The following PITPNM3 variants were observed in gnomAD, a reference collection of about 807,000 sequenced individuals.
PITPNM3 encodes membrane-associated phosphatidylinositol transfer protein 3.
Under a neutral mutation model 102.0 loss-of-function variants are expected in PITPNM3, and 26 were observed. The ratio of observed to expected loss-of-function variants is 0.25; its 90% CI spans 0.19 to 0.35. PITPNM3 has a LOEUF of 0.35. PITPNM3 is among the 10% of genes least tolerant of loss of function. PITPNM3 has a pLI of 1.00. For missense variants in PITPNM3, 1,083 were observed against 1,346.1 expected, an observed-to-expected ratio of 0.80 and a Z score of 3.06; for synonymous variants, 578 against 558.6, an observed-to-expected ratio of 1.03 and a Z score of -0.49.
intron 9 of PITPNM3, among the ~76,000 whole-genome samples, chr17:6,476,015 A>AT (rs2150729925): frequency 6.6e-6 from 1 of 152,370 alleles, no homozygotes; most frequent in African/African-American, 2.4e-5. Flanking sequence ...AGGGCTATTT[A>AT]TACTGCTAAG....
In PITPNM3 at chr17:6,470,174, G is replaced by A; in HGVS notation, c.1773+86C>T. ...CAAGGCCAAAAGCTGAACAGTGTCT[G>A]CAAGAATAGCCTCCTCTCCAGCTGG... On this transcript the variant is annotated intron_variant, in intron 13 of 19. Transcript: ENST00000262483. The surrounding 1 kb of genome is among the most constrained non-coding windows in gnomAD (Gnocchi z 4.8). The A allele has an allele frequency of 2.1e-6, 3 of 1,435,560 alleles. No homozygotes were observed. Among genetic ancestry groups the A allele is most frequent in the Non-Finnish European group, 2.9e-6 (3 of 1,051,800 alleles). The allele number at this position is 1,435,560 out of a possible 1,614,324, so 88.9% of individuals were successfully genotyped here. A position where few individuals can be genotyped will look rare whatever the true frequency, so the allele number is the denominator to read the frequency against.
At chr17:6,495,894 C>A (rs1205982558) in intron 4 of PITPNM3, among the ~76,000 whole-genome samples, 1 of 152,210 alleles carries the variant, frequency 6.6e-6, no homozygotes, top group Non-Finnish European at 1.5e-5. Context: ...TGAGGTCTCT[C>A]TTTGCCCCTC....
rs386363 is a variant in PITPNM3 at position 6,537,335 on chromosome 17, C to T, written c.118+652G>A. Among the ~76,000 whole-genome samples the T allele has an allele frequency of 0.53, 79,706 of 149,780 alleles. 21,614 individuals carry two copies. The highest frequency in any genetic ancestry group is 0.72 in the South Asian group (3,415 of 4,720). The stretch of plus-strand genomic sequence containing the variant: ...TCGGCTCACTGCAACCTCTGCCTCC[C>T]GGGTCCAAGCGATTCTCCCGCCTCA... On this transcript the variant is annotated intron_variant, in intron 2 of 19. Coordinates refer to ENST00000262483, the MANE Select transcript of PITPNM3 (RefSeq NM_031220.4). This position sits in a 1 kb window ranked among gnomAD's most constrained non-coding sequence, Gnocchi z 4.4.
chr17:6,543,868 G>T (rs991609415), intron 1 of PITPNM3, among the ~76,000 whole-genome samples: 5 of 152,242 alleles, frequency 3.3e-5, no homozygotes, highest in African/African-American at 1.2e-4. Context: ...GGTGGGCAGG[G>T]TTGGCCAGGC....
At chr17:6,546,274 C>G (rs1467069535) in intron 1 of PITPNM3, among the ~76,000 whole-genome samples, 1 of 152,228 alleles carries the variant, frequency 6.6e-6, no homozygotes, top group East Asian at 1.9e-4. Context: ...ACGCCAGGAG[C>G]CCTGGAAGGG....
At position 6,457,126 on chromosome 17, in the gene PITPNM3, T is replaced by A. The variant is rs1914151604; in HGVS notation, c.2619+468A>T. Among the ~76,000 whole-genome samples the A allele has an allele frequency of 6.6e-6, 1 of 152,062 alleles. No homozygotes were observed. The highest frequency in any genetic ancestry group is 2.4e-5 in the African/African-American group (1 of 41,404). On this transcript the variant is annotated intron_variant, in intron 19 of 19. Transcript: ENST00000262483. This position sits in a 1 kb window ranked among gnomAD's most constrained non-coding sequence, Gnocchi z 4.7. ...GCAGCCAAGCTGAGTCACTGGCAGT[T>A]CCCAGAATATACATGTTCTGTGTCA...
In PITPNM3 at chr17:6,537,223, C is replaced by T. The variant is rs1302732328; in HGVS notation, c.118+764G>A. Among the ~76,000 whole-genome samples, 1 of 151,880 alleles carries T rather than the reference C, an allele frequency of 6.6e-6. No individual in the cohort carries two copies. Among genetic ancestry groups the T allele is most frequent in the Admixed American group, 6.6e-5 (1 of 15,248 alleles). On this transcript the variant is annotated intron_variant, in intron 2 of 19. Coordinates refer to ENST00000262483, the MANE Select transcript of PITPNM3 (RefSeq NM_031220.4). The surrounding 1 kb of genome is among the most constrained non-coding windows in gnomAD (Gnocchi z 4.4). ...CAGTCTTTCTAACACTCTGGCACTC[C>T]CTGCATCTATGAGGCTCATTTATTT...
At chr17:6,499,590 CAA>C (rs1907046488) in intron 4 of PITPNM3, among the ~76,000 whole-genome samples, 1 of 152,256 alleles carries the variant, frequency 6.6e-6, no homozygotes, top group Non-Finnish European at 1.5e-5. Context: ...CGTCCAGTAA[CAA>C]GTGACAACCA....
At chr17:6,491,934 TATA>T (rs1906517023) in intron 4 of PITPNM3, among the ~76,000 whole-genome samples, 4 of 150,726 alleles carry the variant, frequency 2.7e-5, no homozygotes, top group East Asian at 1.9e-4. Flanking sequence ...TATATATATA[TATA>T]TTTTACTTTC....
At position 6,549,545 on chromosome 17, in the gene PITPNM3, G is replaced by A. The variant is rs1362000578; in HGVS notation, c.22+6840C>T. 3.9e-5 allele frequency among the ~76,000 whole-genome samples: 6 copies of A among 152,312 alleles called. No individual in the cohort carries two copies. In the East Asian group the frequency reaches 9.7e-4, roughly 25 times the overall value. ...ACCCTTGCCACACACGCACCCTGTG[G>A]GGGCTGGTGGCCACACAGCTGTGCA... is the stretch of plus-strand genomic sequence containing the variant. On this transcript the variant is annotated intron_variant, in intron 1 of 19. Transcript: ENST00000262483.
chr17:6,496,330 C>T (rs1033788648), intron 4 of PITPNM3, among the ~76,000 whole-genome samples: 42 of 152,158 alleles, frequency 2.8e-4, no homozygotes, highest in African/African-American at 9.9e-4. Context: ...ACCAAGCCCC[C>T]GCCTTCTGCT....
At position 6,483,671 on chromosome 17, in the gene PITPNM3, C is replaced by T. The variant is rs144931278; in HGVS notation, c.433G>A (p.Gly145Arg). 77 of 1,612,902 alleles carry T rather than the reference C, an allele frequency of 4.8e-5. No homozygotes were observed. Among genetic ancestry groups the T allele is most frequent in the Middle Eastern group, 1.6e-4 (1 of 6,082 alleles). Residue 145 changes from glycine (G) to arginine (R), a missense_variant, in exon 6 of 20, where the codon GGG (glycine) becomes AGG (arginine). Gly to Arg is a moderately radical substitution (Grantham distance 125). Transcript: ENST00000262483. ...TCGGCTGCCTTGCAGGACGGGTCCC[C>T]GGCACCCGTGTCCAGGATGTTTCCC... ...HGGNILDTGA[G>R]DPSCKAADIH...
chr17:6,508,062 G>A (rs145561909), intron 3 of PITPNM3, among the ~76,000 whole-genome samples: 6 of 152,106 alleles, frequency 3.9e-5, no homozygotes, highest in African/African-American at 9.6e-5. Context: ...GGGGTTGCTG[G>A]GGATGCAGCT....
chr17:6,513,065 G>T (rs946699161), intron 3 of PITPNM3, among the ~76,000 whole-genome samples: 9 of 144,156 alleles, frequency 6.2e-5, no homozygotes, highest in Non-Finnish European at 1.3e-4. Context: ...CTCAATACAT[G>T]TCTGCAAAAA....
rs1910622082 is a variant in PITPNM3, at chr17:6,556,482, C to T, written c.-76G>A. 9.8e-7 allele frequency: 1 copy of T among 1,015,896 alleles called. No individual in the cohort carries two copies. The highest frequency in any genetic ancestry group is 5.6e-5 in the Admixed American group (1 of 17,906). The allele number at this position is 1,015,896 out of a possible 1,614,324, so 62.9% of individuals were successfully genotyped here. On this transcript the variant is annotated 5_prime_UTR_variant, in exon 1 of 20. Coordinates refer to ENST00000262483, the MANE Select transcript of PITPNM3 (RefSeq NM_031220.4). This position sits in a 1 kb window ranked among gnomAD's most constrained non-coding sequence, Gnocchi z 5.2. ...GGGCCCGGCCCCGACCGCCTCCGGC[C>T]CCGAACGGACTCCGAGCGCCGCGCC...
rs559783367 is a variant in PITPNM3 at position 6,486,012 on chromosome 17, C to A, written c.275-1720G>T. On this transcript the variant is annotated intron_variant, in intron 4 of 19. Coordinates refer to ENST00000262483, the MANE Select transcript of PITPNM3 (RefSeq NM_031220.4). ...TCTGGCCCTTTCCAGAAATGTCTGT[C>A]AACCCCTGATCTAACACCTACACTC... is the stretch of plus-strand genomic sequence containing the variant. Among the ~76,000 whole-genome samples, 3 of 152,294 alleles carry A rather than the reference C, an allele frequency of 2.0e-5. No individual in the cohort carries two copies. The South Asian group carries it at 6.2e-4, about 32-fold the overall frequency.
rs975537539 is a variant in PITPNM3, at chr17:6,458,842, G to A, written c.2491-1120C>T. 1.0e-4 allele frequency among the ~76,000 whole-genome samples: 14 copies of A among 138,980 alleles called. No homozygotes were observed. Among genetic ancestry groups the A allele is most frequent in the Non-Finnish European group, 9.5e-5 (6 of 63,006 alleles). 91.2% of individuals were successfully genotyped at this position (138,980 alleles called of 152,430 possible). A position where few individuals can be genotyped will look rare whatever the true frequency, so the allele number is the denominator to read the frequency against. ...GGAAATTTTTTCCACTATCCACCTT[G>A]TGTTTTTGTACATGCTGCCCACCGA... On this transcript the variant is annotated intron_variant, in intron 18 of 19. Coordinates refer to ENST00000262483, the MANE Select transcript of PITPNM3 (RefSeq NM_031220.4). The surrounding 1 kb of genome is among the most constrained non-coding windows in gnomAD (Gnocchi z 5.1).
Position 6,455,619 on chromosome 17 carries a change from G to T in PITPNM3, c.2644C>A (p.His882Asn). 6.3e-7 allele frequency: 1 copy of T among 1,582,354 alleles called. No individual in the cohort carries two copies. Among genetic ancestry groups the T allele is most frequent in the Non-Finnish European group, 8.5e-7 (1 of 1,174,838 alleles). Residue 882 changes from histidine to asparagine, a missense_variant, in exon 20 of 20, where the codon CAC becomes AAC. Transcript: ENST00000262483. ...TGGCTGGCCTCCAGCGCGGCCAGGT[G>T]TGCGGCGTAGCCCTCGCTCAGGAAC... Reference protein sequence around the residue: ...CQFLSEGYAAHLAALEASHRS... With the variant: ...CQFLSEGYAANLAALEASHRS...
In PITPNM3 at chr17:6,459,293, C is replaced by G. The variant is rs1414485986; in HGVS notation, c.2491-1571G>C. Among the ~76,000 whole-genome samples, 1 of 152,150 alleles carries G rather than the reference C, an allele frequency of 6.6e-6. No individual in the cohort carries two copies. The highest frequency in any genetic ancestry group is 1.5e-5 in the Non-Finnish European group (1 of 68,038). ...TAGGCAGTTCTCAGCATCCCACACC[C>G]TCGGCAAAAGGGGCGCTATCTCCTT... On this transcript the variant is annotated intron_variant, in intron 18 of 19. Transcript: ENST00000262483. This position sits in a 1 kb window ranked among gnomAD's most constrained non-coding sequence, Gnocchi z 5.0.
Sources: gnomAD v4.1 joint callset for allele counts (sites outside exome capture counted in the v4.1 genomes callset) on GRCh38, gnomAD v4.1.1 for gene constraint, Gnocchi (gnomAD v3.1) non-coding constraint, MANE v1.5 for transcripts, NCBI Gene and HGNC (gene_info 2026-07-23, HGNC 2026-07-21) for gene names.